DLC1: variants seen among roughly 807,000 people sequenced by gnomAD.
DLC1 encodes the protein DLC1 Rho GTPase activating protein, also known as rho GTPase-activating protein 7.
Under a neutral mutation model 140.3 loss-of-function variants are expected in DLC1, and 54 were observed. The ratio of observed to expected loss-of-function variants is 0.38; its 90% CI spans 0.31 to 0.48. The LOEUF (loss-of-function observed/expected upper bound fraction) is 0.48. Ranked by LOEUF, DLC1 falls within the 20% of genes least tolerant of loss-of-function variation. The pLI is 0.96. For synonymous variants in DLC1, 986 were observed against 728.1 expected (o/e 1.35, Z -5.70); for missense variants, 2,536 against 1,907.0 (o/e 1.33, Z -6.14).
At chr8:13,413,256 A>ATTGTTTTTTTTTTTTTTTTTTTT in intron 2 of DLC1, among the ~76,000 whole-genome samples, 1 of 82,006 alleles carries the variant, frequency 1.2e-5, no homozygotes, top group African/African-American at 5.0e-5. Flanking sequence ...TTTTTTTGCG[A>ATTGTTTTTTTTTTTTTTTTTTTT]TTTTTTTTTT....
At chr8:13,417,612 G>C (rs891515587) in intron 2 of DLC1, among the ~76,000 whole-genome samples, 1 of 151,926 alleles carries the variant, frequency 6.6e-6, no homozygotes, top group Admixed American at 6.6e-5. Context: ...GTCTATGATT[G>C]TTGGACATTT....
chr8:13,604,386 T>C (rs17094722), intron 1 of DLC1, among the ~76,000 whole-genome samples: 7,212 of 152,262 alleles, frequency 0.047, 556 homozygotes, highest in African/African-American at 0.16. Flanking sequence ...GTCACAGACA[T>C]TTTTCTTTCC....
intron 13 of DLC1, 34 bp from the exon 14 acceptor site, chr8:13,091,466 A>C: frequency 1.9e-6 from 3 of 1,559,400 alleles, no homozygotes; most frequent in Non-Finnish European, 2.6e-6. Context: ...GGAACAGTTC[A>C]AATATTTATA....
chr8:13,591,573 G>A (rs1805517616), intron 1 of DLC1, among the ~76,000 whole-genome samples: 1 of 152,060 alleles, frequency 6.6e-6, no homozygotes, highest in South Asian at 2.1e-4. Flanking sequence ...ACCCAGTCTT[G>A]GGTATTTCTT....
chr8:13,421,318 C>G (rs982445591), intron 2 of DLC1, among the ~76,000 whole-genome samples: 1 of 152,108 alleles, frequency 6.6e-6, no homozygotes, highest in African/African-American at 2.4e-5. Flanking sequence ...TGATGTGTCT[C>G]TGCAACCCCT....
chr8:13,550,828 A>T (rs1349862382), intron 1 of DLC1, among the ~76,000 whole-genome samples: 1 of 152,138 alleles, frequency 6.6e-6, no homozygotes, highest in Non-Finnish European at 1.5e-5. Flanking sequence ...TCTGGCTCAG[A>T]TTCTTGAAGT....
chr8:13,574,838 C>G (rs1423887200), intron 1 of DLC1, among the ~76,000 whole-genome samples: 2 of 152,202 alleles, frequency 1.3e-5, no homozygotes, highest in Middle Eastern at 6.8e-3. Context: ...ATGTCTGGGA[C>G]CCAGCTTAGA....
rs1454331318 is a variant in DLC1 at position 13,361,750 on chromosome 8, G to C, written c.1314+31803C>G. Among the ~76,000 whole-genome samples, 3 of 152,146 alleles carry C rather than the reference G, an allele frequency of 2.0e-5. No individual in the cohort carries two copies. The East Asian group carries it at 5.8e-4, about 29-fold the overall frequency. The stretch of plus-strand genomic sequence containing the variant: ...CCAAAATCTAATGTCCCTTCTGTTA[G>C]GGTAAGAAAAAGTAGAATCAAGCTT... On this transcript the variant is annotated intron_variant, in intron 4 of 17. Transcript: ENST00000276297.
intron 2 of DLC1, among the ~76,000 whole-genome samples, chr8:13,433,092 T>C (rs183593000): frequency 6.6e-6 from 1 of 151,908 alleles, no homozygotes; most frequent in Non-Finnish European, 1.5e-5. Context: ...CTGAAAACTG[T>C]AGGATGAGAT....
Position 13,099,502 on chromosome 8 carries a change from G to C in DLC1, c.2835C>G (p.Ser945=), listed in dbSNP as rs1032757943. The C allele has an allele frequency of 1.9e-6, 3 of 1,614,028 alleles. No individual in the cohort carries two copies. Among genetic ancestry groups the C allele is most frequent in the Non-Finnish European group, 2.5e-6 (3 of 1,180,040 alleles). The change falls in exon 9 of 18, where the codon TCC becomes TCG. Residue 945 remains serine (S), a synonymous_variant. Transcript: ENST00000276297. ...CATCCAGGTGTATCTGTTTTGGAGAGGACGGGCAGGGAGAGACCGAGTCCA... is the reference window on the plus strand; with the variant it reads ...CATCCAGGTGTATCTGTTTTGGAGACGACGGGCAGGGAGAGACCGAGTCCA... ...SALDSVSPCP[S]SPKQIHLDVD...
chr8:13,545,900 C>T (rs1003285581), intron 1 of DLC1, among the ~76,000 whole-genome samples: 3 of 152,002 alleles, frequency 2.0e-5, no homozygotes, highest in Non-Finnish European at 2.9e-5. Context: ...AAGCCTATCA[C>T]GTTAAAAATT....
intron 5 of DLC1, among the ~76,000 whole-genome samples, chr8:13,193,202 G>A (rs2117034472): frequency 6.6e-6 from 1 of 152,232 alleles, no homozygotes; most frequent in East Asian, 1.9e-4. Context: ...CCTTGCCACA[G>A]CTCTTATATT....
chr8:13,375,549 A>C (rs938643276), intron 4 of DLC1, among the ~76,000 whole-genome samples: 4 of 152,102 alleles, frequency 2.6e-5, no homozygotes, highest in Non-Finnish European at 5.9e-5. Flanking sequence ...CACTATGTTG[A>C]ATAGGAGTGG....
At chr8:13,555,521 T>C (rs1420217914) in intron 1 of DLC1, among the ~76,000 whole-genome samples, 1 of 152,214 alleles carries the variant, frequency 6.6e-6, no homozygotes, top group Admixed American at 6.5e-5. Context: ...AGACGGAGTC[T>C]CACTCTGTTG....
intron 5 of DLC1, among the ~76,000 whole-genome samples, chr8:13,188,805 ATATATATATATATATATATATG>A (rs1563149545): frequency 2.6e-5 from 1 of 37,998 alleles, no homozygotes; most frequent in African/African-American, 1.0e-4. Context: ...GTGTGTGTAT[ATATATATATATATATATATATG>A]TATATATATA....
intron 1 of DLC1, chr8:13,559,511 A>G (rs1804169757): frequency 6.6e-6 from 1 of 152,222 alleles, no homozygotes; most frequent in South Asian, 2.1e-4. Context: ...AGTTTTACTG[A>G]AAGATTCATC....
intron 4 of DLC1, among the ~76,000 whole-genome samples, chr8:13,334,932 G>T (rs1833756995): frequency 6.6e-6 from 1 of 152,150 alleles, no homozygotes; most frequent in African/African-American, 2.4e-5. Context: ...TGGAAATAGG[G>T]ACTGCTATTG....
chr8:13,120,283 C>T (rs1226051287), intron 5 of DLC1, among the ~76,000 whole-genome samples: 2 of 142,316 alleles, frequency 1.4e-5, no homozygotes, highest in Non-Finnish European at 3.0e-5. Context: ...GCGGAGGTGG[C>T]AGTGAGCTGA....
chr8:13,356,190 GGCATTATCTTTACAGGAATTGATA>G (rs1050787411), intron 4 of DLC1, among the ~76,000 whole-genome samples: 3 of 150,794 alleles, frequency 2.0e-5, no homozygotes, highest in African/African-American at 7.3e-5. Context: ...CCACTGACTT[GGCATTATCTTTACAGGAATTGATA>G]GCATTTGGCC....
Sources: allele counts gnomAD v4.1 joint callset (sites outside exome capture counted in the v4.1 genomes callset), GRCh38; gene constraint gnomAD v4.1.1; transcripts MANE v1.5; gene names NCBI Gene and HGNC (gene_info 2026-07-23, HGNC 2026-07-21).